MAN1A2: variants seen among roughly 807,000 people sequenced by gnomAD.
The protein encoded by MAN1A2 is mannosidase alpha class 1A member 2.
MAN1A2 carries 26 observed loss-of-function variants against 75.7 expected under a neutral mutation model. The observed-to-expected ratio is 0.34, with a 90% CI of 0.25 to 0.48. The LOEUF (loss-of-function observed/expected upper bound fraction) is 0.48. Ranked by LOEUF, MAN1A2 falls within the 20% of genes least tolerant of loss-of-function variation. The pLI is 0.99. For synonymous variants in MAN1A2, 247 were observed against 264.6 expected (o/e 0.93, Z 0.65); for missense variants, 562 against 775.5 (o/e 0.72, Z 3.27).
chr1:117,421,067 C>T (rs978985964), intron 5 of MAN1A2, among the ~76,000 whole-genome samples: 4 of 151,988 alleles, frequency 2.6e-5, no homozygotes, highest in Non-Finnish European at 5.9e-5. Context: ...CAGTTTTTGG[C>T]TATAAATAAT....
chr1:117,471,505 T>C (rs1047649295), intron 8 of MAN1A2, among the ~76,000 whole-genome samples: 10 of 151,850 alleles, frequency 6.6e-5, no homozygotes, highest in Non-Finnish European at 1.5e-4. Context: ...AAAAGGACCT[T>C]AGAGTGACAT....
intron 1 of MAN1A2, among the ~76,000 whole-genome samples, chr1:117,399,160 A>T (rs932139538): frequency 9.2e-5 from 14 of 151,980 alleles, no homozygotes; most frequent in African/African-American, 3.4e-4. Flanking sequence ...CTGTGAGGGG[A>T]TATGGGATGT....
intron 1 of MAN1A2, among the ~76,000 whole-genome samples, chr1:117,375,301 A>G (rs1185458115): frequency 6.6e-6 from 1 of 152,208 alleles, no homozygotes; most frequent in Non-Finnish European, 1.5e-5. Context: ...TTTTTTAACA[A>G]AACACACCTC....
At position 117,526,880 on chromosome 1, in the gene MAN1A2, C is replaced by CTCTCTCTCTCTCTCTCTCTCTCTATA; in HGVS notation, c.*3924_*3925insCTCTCTCTCTCTCTCTCTCTCTATAT. On this transcript the variant is annotated 3_prime_UTR_variant, in exon 13 of 13. Transcript: ENST00000356554. ...TCTCTCTCTCTCTCTCTCTCTCTCT[C>CTCTCTCTCTCTCTCTCTCTCTCTATA]TATATATATATATATATATATATAT... 3.7e-5 allele frequency: 2 copies of CTCTCTCTCTCTCTCTCTCTCTCTATA among 54,520 alleles called. No homozygotes were observed. The highest frequency in any genetic ancestry group is 8.1e-5 in the African/African-American group (1 of 12,286). 3.4% of individuals were successfully genotyped at this position (54,520 alleles called of 1,614,324 possible). A position where few individuals can be genotyped will look rare whatever the true frequency, so the allele number is the denominator to read the frequency against.
At chr1:117,386,627 C>T (rs549209837) in intron 1 of MAN1A2, among the ~76,000 whole-genome samples, 9 of 139,070 alleles carry the variant, frequency 6.5e-5, no homozygotes, top group Non-Finnish European at 1.3e-4. Context: ...CATTTCGTTG[C>T]TTTGCTGTTT....
In MAN1A2 at chr1:117,525,372, A is replaced by T. The variant is rs1391193338; in HGVS notation, c.*2415A>T. 2 of 240,732 alleles carry T rather than the reference A, an allele frequency of 8.3e-6. No homozygotes were observed. The highest frequency in any genetic ancestry group is 1.8e-4 in the East Asian group (2 of 11,300). 14.9% of individuals were successfully genotyped at this position (240,732 alleles called of 1,614,324 possible). A position where few individuals can be genotyped will look rare whatever the true frequency, so the allele number is the denominator to read the frequency against. On this transcript the variant is annotated 3_prime_UTR_variant, in exon 13 of 13. Coordinates refer to ENST00000356554, the MANE Select transcript of MAN1A2 (RefSeq NM_006699.5). The stretch of plus-strand genomic sequence containing the variant: ...AAATGACTTGCCAGTGTCATGTTTT[A>T]TTTTTGTTATAGATTTTTAAATTAT...
At chr1:117,480,535 G>A (rs889116055) in intron 8 of MAN1A2, among the ~76,000 whole-genome samples, 37 of 151,632 alleles carry the variant, frequency 2.4e-4, no homozygotes, top group African/African-American at 8.5e-4. Context: ...TTAGCCAGAA[G>A]CACTTTTTTA....
In MAN1A2 at chr1:117,470,161, A is replaced by G. The variant is rs569842068; in HGVS notation, c.1168+3734A>G. On this transcript the variant is annotated intron_variant, in intron 8 of 12. Transcript: ENST00000356554. ...AAGGAATGGAGTTCTGATACATGCT[A>G]TAATATAAACAAACCTTGAAAACAT... Among the ~76,000 whole-genome samples the G allele has an allele frequency of 8.4e-4, 128 of 152,308 alleles. 1 individual carries two copies. Among genetic ancestry groups the G allele is most frequent in the African/African-American group, 3.1e-3 (127 of 41,584 alleles).
intron 5 of MAN1A2, among the ~76,000 whole-genome samples, chr1:117,423,993 C>T (rs1210394822): frequency 6.6e-6 from 1 of 151,718 alleles, no homozygotes; most frequent in Non-Finnish European, 1.5e-5. Context: ...AGCGATTCTC[C>T]TGCCTCAGCC....
intron 8 of MAN1A2, among the ~76,000 whole-genome samples, chr1:117,486,000 G>A (rs1382982272): frequency 6.6e-6 from 1 of 151,948 alleles, no homozygotes; most frequent in Non-Finnish European, 1.5e-5. Flanking sequence ...CTATTCAGTA[G>A]AGGAAACCCA....
chr1:117,464,481 G>A (rs190604210), intron 7 of MAN1A2, among the ~76,000 whole-genome samples: 1 of 152,176 alleles, frequency 6.6e-6, no homozygotes, highest in Admixed American at 6.6e-5. Flanking sequence ...AGAGAGGTTT[G>A]GTATAAATGG....
chr1:117,450,290 G>A (rs1649363853), intron 6 of MAN1A2, among the ~76,000 whole-genome samples: 1 of 152,184 alleles, frequency 6.6e-6, no homozygotes, highest in African/African-American at 2.4e-5. Flanking sequence ...GTGGAGCCTT[G>A]AACTTGAGAG....
chr1:117,469,356 T>G (rs950281665), intron 8 of MAN1A2, among the ~76,000 whole-genome samples: 3 of 152,116 alleles, frequency 2.0e-5, no homozygotes, highest in African/African-American at 7.2e-5. Flanking sequence ...TGTAAAACTC[T>G]TAGAAGAAAA....
chr1:117,384,616 T>C (rs1301842401), intron 1 of MAN1A2, among the ~76,000 whole-genome samples: 1 of 152,202 alleles, frequency 6.6e-6, no homozygotes, highest in Non-Finnish European at 1.5e-5. Context: ...TAGTCTTCTC[T>C]TTCCTTATTG....
intron 7 of MAN1A2, 105 bp from the exon 8 acceptor site, chr1:117,466,229 A>C (rs997898827): frequency 8.7e-6 from 6 of 687,248 alleles, no homozygotes. Flanking sequence ...AAAGGCAGGG[A>C]ATAGGTGTAG....
At chr1:117,464,646 C>G (rs1213273803) in intron 7 of MAN1A2, among the ~76,000 whole-genome samples, 1 of 151,994 alleles carries the variant, frequency 6.6e-6, no homozygotes, top group Non-Finnish European at 1.5e-5. Context: ...TTCTTTGGAC[C>G]TTACTAGATA....
intron 4 of MAN1A2, among the ~76,000 whole-genome samples, chr1:117,416,375 TA>T (rs1647994197): frequency 6.6e-6 from 1 of 152,208 alleles, no homozygotes; most frequent in African/African-American, 2.4e-5. Flanking sequence ...GAAATTGTCT[TA>T]GTTCTCAGCT....
chr1:117,448,088 G>C (rs1174729288), intron 6 of MAN1A2, among the ~76,000 whole-genome samples: 2 of 152,006 alleles, frequency 1.3e-5, no homozygotes, highest in African/African-American at 2.4e-5. Context: ...TATCCTCTCT[G>C]AGTTCCTGGA....
chr1:117,521,151 A>G (rs1405929682), intron 12 of MAN1A2, among the ~76,000 whole-genome samples: 1 of 152,098 alleles, frequency 6.6e-6, no homozygotes, highest in Non-Finnish European at 1.5e-5. Context: ...TTCATCTTAC[A>G]CGAAAATCAA....
Sources: allele counts gnomAD v4.1 joint callset (sites outside exome capture counted in the v4.1 genomes callset), GRCh38; gene constraint gnomAD v4.1.1; transcripts MANE v1.5; gene names NCBI Gene and HGNC (gene_info 2026-07-23, HGNC 2026-07-21).